The following MAML2 variants were observed in gnomAD, a reference collection of about 807,000 sequenced individuals.
The protein encoded by MAML2 is mastermind like transcriptional coactivator 2.
MAML2 carries 22 observed loss-of-function variants against 96.1 expected under a neutral mutation model. The ratio of observed to expected loss-of-function variants is 0.23; its 90% CI spans 0.16 to 0.33. MAML2 has a LOEUF of 0.33. Ranked by LOEUF, MAML2 falls within the 10% of genes least tolerant of loss-of-function variation. The pLI, the probability that MAML2 is intolerant of heterozygous loss-of-function variation, is 1.00. For missense variants in MAML2, 1,367 were observed against 1,392.4 expected, an observed-to-expected ratio of 0.98 and a Z score of 0.29; for synonymous variants, 561 against 521.3, an observed-to-expected ratio of 1.08 and a Z score of -1.04.
At chr11:96,106,814 C>T (rs1048065050) in intron 1 of MAML2, among the ~76,000 whole-genome samples, 5 of 151,806 alleles carry the variant, frequency 3.3e-5, no homozygotes, top group Non-Finnish European at 7.4e-5. Context: ...GGACTTAACT[C>T]CCCCCTACCC....
chr11:96,190,428 G>T (rs1351308988), intron 1 of MAML2, among the ~76,000 whole-genome samples: 5 of 152,186 alleles, frequency 3.3e-5, no homozygotes, highest in Non-Finnish European at 7.3e-5. Context: ...CTTTTAGATG[G>T]ATTTGTAATG....
At chr11:96,073,824 G>T (rs967314423) in intron 2 of MAML2, among the ~76,000 whole-genome samples, 3 of 152,096 alleles carry the variant, frequency 2.0e-5, no homozygotes, top group African/African-American at 7.2e-5. Flanking sequence ...CCAGTATTGT[G>T]CTTAGAATGT....
At chr11:96,104,114 A>G (rs1859981788) in intron 1 of MAML2, among the ~76,000 whole-genome samples, 1 of 152,024 alleles carries the variant, frequency 6.6e-6, no homozygotes, top group Non-Finnish European at 1.5e-5. Context: ...TGTTTCCTTT[A>G]CAGTACCTAC....
intron 1 of MAML2, among the ~76,000 whole-genome samples, chr11:96,268,736 T>G (rs1363558631): frequency 1.3e-5 from 2 of 152,036 alleles, no homozygotes; most frequent in Non-Finnish European, 2.9e-5. Context: ...TCTCACGAGA[T>G]CTGATGGTTT....
At chr11:96,031,096 C>T (rs1268858259) in intron 2 of MAML2, among the ~76,000 whole-genome samples, 3 of 152,134 alleles carry the variant, frequency 2.0e-5, no homozygotes, top group Admixed American at 1.3e-4. Context: ...AATAGTAGCA[C>T]GTACGTTTCC....
chr11:96,092,026 G>T lies in MAML2; in HGVS notation c.2005C>A (p.Gln669Lys), dbSNP rs769769711. ...TGGCTTGGTAGAGATTGGGCAGGCT[G>T]AGAAGATGGTTGTTGCTGCTGCTGC... ...QQQQQQQPSS[Q>K]PAQSLPSQPL... The change falls in exon 2 of 5, where the codon CAG (glutamine) becomes AAG (lysine). Residue 669 changes from glutamine to lysine, a missense_variant. Transcript: ENST00000524717. The surrounding 1 kb of genome is among the most constrained non-coding windows in gnomAD (Gnocchi z 4.1). 5.1e-6 allele frequency: 8 copies of T among 1,565,830 alleles called. No homozygotes were observed. In the Admixed American group the frequency reaches 5.8e-5, roughly 11 times the overall value.
At chr11:96,103,259 C>G (rs990885086) in intron 1 of MAML2, among the ~76,000 whole-genome samples, 14 of 152,224 alleles carry the variant, frequency 9.2e-5, no homozygotes, top group Non-Finnish European at 1.5e-5. Context: ...CCCCTCCAAA[C>G]TCTATTCCAG....
At chr11:96,195,352 A>T (rs1329308379) in intron 1 of MAML2, among the ~76,000 whole-genome samples, 1 of 152,218 alleles carries the variant, frequency 6.6e-6, no homozygotes, top group Non-Finnish European at 1.5e-5. Context: ...TGGGGTAAGA[A>T]TATTTTCCCA....
At chr11:96,166,078 C>A (rs1051617793) in intron 1 of MAML2, among the ~76,000 whole-genome samples, 1 of 151,986 alleles carries the variant, frequency 6.6e-6, no homozygotes, top group South Asian at 2.1e-4. Context: ...GCATTTCTCT[C>A]GCTCTCTCTC....
chr11:96,094,575 A>C (rs6483478), intron 1 of MAML2, among the ~76,000 whole-genome samples: 118,910 of 152,080 alleles, frequency 0.78, 46,972 homozygotes, highest in Middle Eastern at 0.88. Context: ...TCATTCACAA[A>C]CTAGCAATCA....
intron 2 of MAML2, among the ~76,000 whole-genome samples, chr11:96,088,950 C>T (rs542242142): frequency 2.0e-5 from 3 of 151,944 alleles, no homozygotes. Context: ...CAAATTTAGT[C>T]TACCAATTTG....
chr11:96,239,758 C>T (rs1795528848), intron 1 of MAML2, among the ~76,000 whole-genome samples: 1 of 152,098 alleles, frequency 6.6e-6, no homozygotes, highest in Admixed American at 6.5e-5. Flanking sequence ...TGGTCATGTC[C>T]CAGAGTAGAA....
intron 2 of MAML2, among the ~76,000 whole-genome samples, chr11:96,028,036 T>A (rs1370308468): frequency 6.6e-6 from 1 of 152,138 alleles, no homozygotes; most frequent in East Asian, 1.9e-4. Flanking sequence ...CTGGCCCATT[T>A]TTCTTTGTGT....
intron 1 of MAML2, among the ~76,000 whole-genome samples, chr11:96,287,728 TA>T (rs1413739992): frequency 6.6e-6 from 1 of 152,212 alleles, no homozygotes; most frequent in Non-Finnish European, 1.5e-5. Context: ...TCAGACACCT[TA>T]TTAAGTGAAA....
intron 1 of MAML2, among the ~76,000 whole-genome samples, chr11:96,251,410 T>C (rs1374380789): frequency 6.6e-6 from 1 of 152,250 alleles, no homozygotes; most frequent in Non-Finnish European, 1.5e-5. Context: ...AATTATGTCT[T>C]ATAACATTTT....
At position 96,062,173 on chromosome 11, in the gene MAML2, T is replaced by C. The variant is rs529841425; in HGVS notation, c.2139+29719A>G. On this transcript the variant is annotated intron_variant, in intron 2 of 4. Transcript: ENST00000524717. ...GTATGGTACTTTTTTTTTGCCTTGG[T>C]TTGTGTTACATGGAGTGACTCAAAG... 5.3e-4 allele frequency among the ~76,000 whole-genome samples: 81 copies of C among 152,104 alleles called. 1 individual carries two copies. Among genetic ancestry groups the C allele is most frequent in the Non-Finnish European group, 7.9e-4 (54 of 68,012 alleles).
At chr11:96,153,631 G>T (rs1012909519) in intron 1 of MAML2, among the ~76,000 whole-genome samples, 6 of 152,292 alleles carry the variant, frequency 3.9e-5, no homozygotes, top group South Asian at 4.1e-4. Flanking sequence ...AAAAATAGTG[G>T]CTGGGTGTGG....
At chr11:96,127,761 CA>C (rs1272879259) in intron 1 of MAML2, among the ~76,000 whole-genome samples, 1 of 152,158 alleles carries the variant, frequency 6.6e-6, no homozygotes, top group Non-Finnish European at 1.5e-5. Context: ...GTTCTTCCTC[CA>C]GGGGCAATAA....
At chr11:96,311,612 C>T (rs890184763) in intron 1 of MAML2, among the ~76,000 whole-genome samples, 7 of 152,056 alleles carry the variant, frequency 4.6e-5, no homozygotes, top group South Asian at 4.2e-4. Flanking sequence ...AGCTGAGGTT[C>T]GAAACACAGT....
Sources: gnomAD v4.1 joint callset for allele counts (sites outside exome capture counted in the v4.1 genomes callset) on GRCh38, gnomAD v4.1.1 for gene constraint, Gnocchi (gnomAD v3.1) non-coding constraint, MANE v1.5 for transcripts, NCBI Gene and HGNC (gene_info 2026-07-23, HGNC 2026-07-21) for gene names.